OPCML: variants seen among roughly 807,000 people sequenced by gnomAD.
OPCML encodes opioid-binding protein/cell adhesion molecule.
In OPCML, 13 loss-of-function variants were observed where a neutral mutation model predicts 37.8. That is an observed-to-expected ratio of 0.34 (90% confidence interval 0.22 to 0.55). The LOEUF is 0.55. Ranked by LOEUF, OPCML falls within the 20% of genes least tolerant of loss-of-function variation. The pLI is 0.91. For missense variants in OPCML, 341 were observed against 435.6 expected (o/e 0.78, Z 1.93); for synonymous variants, 176 against 168.8 (o/e 1.04, Z -0.33).
intron 2 of OPCML, among the ~76,000 whole-genome samples, chr11:132,749,476 T>G (rs1200937003): frequency 6.6e-6 from 1 of 152,120 alleles, no homozygotes; most frequent in African/African-American, 2.4e-5. Flanking sequence ...CTAGAGACCC[T>G]GGAGGTTAGT....
At chr11:132,863,189 C>A (rs1174341712) in intron 2 of OPCML, among the ~76,000 whole-genome samples, 2 of 152,084 alleles carry the variant, frequency 1.3e-5, no homozygotes, top group African/African-American at 2.4e-5. Flanking sequence ...GTGGCTCGGC[C>A]GAGGATGTGT....
intron 1 of OPCML, among the ~76,000 whole-genome samples, chr11:133,140,531 T>TAATAATAATAATAATAATAAGAAG (rs1272061685): frequency 1.1e-3 from 97 of 88,084 alleles, no homozygotes; most frequent in East Asian, 1.5e-3. Flanking sequence ...ATAATAATAA[T>TAATAATAATAATAATAATAAGAAG]AAGAAGAAGA....
At chr11:133,269,008 C>T (rs188111785) in intron 1 of OPCML, among the ~76,000 whole-genome samples, 109 of 152,298 alleles carry the variant, frequency 7.2e-4, no homozygotes, top group Middle Eastern at 3.4e-3. Context: ...TTGATGTGTG[C>T]TCCAGGACAG....
At chr11:132,799,724 C>A (rs887177162) in intron 2 of OPCML, among the ~76,000 whole-genome samples, 14 of 151,354 alleles carry the variant, frequency 9.2e-5, no homozygotes, top group South Asian at 8.4e-4. Flanking sequence ...TGCCACAGAT[C>A]TTCTACTTGT....
intron 1 of OPCML, among the ~76,000 whole-genome samples, chr11:133,344,725 TG>T (rs1401891361): frequency 6.6e-6 from 1 of 152,232 alleles, no homozygotes; most frequent in Admixed American, 6.5e-5. Context: ...AATAGGGGTT[TG>T]CTTGTCATTT....
At chr11:133,421,000 A>G (rs945315000) in intron 1 of OPCML, 92 of 985,418 alleles carry the variant, frequency 9.3e-5, no homozygotes, top group Admixed American at 6.1e-4. Context: ...GCAGGAGCCT[A>G]GAATTAAACT....
intron 4 of OPCML, among the ~76,000 whole-genome samples, chr11:132,457,385 C>A (rs2512714): frequency 0.59 from 89,378 of 152,024 alleles, 27,074 homozygotes; most frequent in East Asian, 0.91. Context: ...AAGACCAAAC[C>A]TACACTGATA....
intron 2 of OPCML, among the ~76,000 whole-genome samples, chr11:132,684,377 G>C (rs1248288126): frequency 6.6e-6 from 1 of 152,100 alleles, no homozygotes; most frequent in Non-Finnish European, 1.5e-5. Context: ...TAGTAAGTGG[G>C]AGAGCTAGTT....
chr11:132,845,734 C>G (rs1941499359), intron 2 of OPCML, among the ~76,000 whole-genome samples: 1 of 152,226 alleles, frequency 6.6e-6, no homozygotes, highest in South Asian at 2.1e-4. Flanking sequence ...CACTCTGTCA[C>G]TATTAGAGAC....
chr11:132,429,190 G>A (rs12223295), intron 7 of OPCML, among the ~76,000 whole-genome samples: 41,734 of 152,020 alleles, frequency 0.27, 5,908 homozygotes, highest in Admixed American at 0.3. Context: ...ATAAGGCTAC[G>A]CTGATCTCAC....
At chr11:133,261,278 T>C (rs1164791039) in intron 1 of OPCML, among the ~76,000 whole-genome samples, 5 of 152,236 alleles carry the variant, frequency 3.3e-5, no homozygotes, top group Non-Finnish European at 5.9e-5. Context: ...ATTCCTTAAG[T>C]GTCCACTTTC....
chr11:133,487,312 G>A (rs1424403910), intron 1 of OPCML, among the ~76,000 whole-genome samples: 1 of 152,038 alleles, frequency 6.6e-6, no homozygotes, highest in Non-Finnish European at 1.5e-5. Flanking sequence ...CTCCCCACTG[G>A]TCTTTTGTGA....
At position 133,439,273 on chromosome 11, in the gene OPCML, T is replaced by G. The variant is rs1437985415; in HGVS notation, c.61+92991A>C. On this transcript the variant is annotated intron_variant, in intron 1 of 7. Transcript: ENST00000524381. ...GTTGAAGCACTGGACTCCCTGTTGG[T>G]GTCCAGAGAGTAAAAGATGTTTTTT... is the stretch of plus-strand genomic sequence containing the variant. 9.2e-6 allele frequency: 9 copies of G among 976,992 alleles called. No individual in the cohort carries two copies. In the South Asian group the frequency reaches 4.3e-4, roughly 46 times the overall value. The allele number at this position is 976,992 out of a possible 1,614,324, so 60.5% of individuals were successfully genotyped here. A position where few individuals can be genotyped will look rare whatever the true frequency, so the allele number is the denominator to read the frequency against.
chr11:133,097,559 A>G (rs1949022155), intron 1 of OPCML, among the ~76,000 whole-genome samples: 1 of 152,222 alleles, frequency 6.6e-6, no homozygotes, highest in Non-Finnish European at 1.5e-5. Context: ...AAATGAACAG[A>G]GAAAATCAAT....
At chr11:132,572,994 C>A (rs1016998960) in intron 3 of OPCML, among the ~76,000 whole-genome samples, 2 of 151,708 alleles carry the variant, frequency 1.3e-5, no homozygotes, top group African/African-American at 4.8e-5. Context: ...CCAAGTATTT[C>A]AATTTTTTGA....
chr11:133,375,794 T>G (rs148520595), intron 1 of OPCML, among the ~76,000 whole-genome samples: 80 of 152,330 alleles, frequency 5.3e-4, no homozygotes, highest in African/African-American at 1.8e-3. Context: ...GACCGGTGTC[T>G]GTGCGTTCCC....
intron 1 of OPCML, among the ~76,000 whole-genome samples, chr11:133,021,487 C>T (rs947081372): frequency 6.6e-6 from 1 of 152,010 alleles, no homozygotes; most frequent in Non-Finnish European, 1.5e-5. Flanking sequence ...CATGGTTGTA[C>T]GTAAGGCTTT....
chr11:133,221,750 A>G (rs1056705246), intron 1 of OPCML, among the ~76,000 whole-genome samples: 1 of 152,084 alleles, frequency 6.6e-6, no homozygotes, highest in Non-Finnish European at 1.5e-5. Flanking sequence ...ACAGAAGGCT[A>G]TTTTTACACT....
At chr11:132,647,255 G>A (rs1431369204) in intron 3 of OPCML, among the ~76,000 whole-genome samples, 1 of 152,168 alleles carries the variant, frequency 6.6e-6, no homozygotes, top group Non-Finnish European at 1.5e-5. Context: ...TAGCTTCTCT[G>A]AGCCTTAGTT....
Sources: gnomAD v4.1 joint callset for allele counts (sites outside exome capture counted in the v4.1 genomes callset) on GRCh38, gnomAD v4.1.1 for gene constraint, MANE v1.5 for transcripts, NCBI Gene and HGNC (gene_info 2026-07-23, HGNC 2026-07-21) for gene names.